The following PIP5K1B variants were observed in gnomAD, a reference collection of about 807,000 sequenced individuals.
PIP5K1B encodes phosphatidylinositol 4-phosphate 5-kinase type-1 beta.
PIP5K1B carries 42 observed loss-of-function variants against 67.0 expected under a neutral mutation model. That is an observed-to-expected ratio of 0.63 (90% confidence interval 0.49 to 0.81). The LOEUF (loss-of-function observed/expected upper bound fraction) is 0.81. Among genes scored for constraint, PIP5K1B ranks in the 30% least tolerant of loss-of-function variants. The pLI is 0.00. For missense variants in PIP5K1B, 459 were observed against 646.3 expected (o/e 0.71, Z 3.14); for synonymous variants, 214 against 231.4 (o/e 0.92, Z 0.68).
At chr9:68,768,669 AT>A (rs1830545680) in intron 2 of PIP5K1B, among the ~76,000 whole-genome samples, 1 of 152,214 alleles carries the variant, frequency 6.6e-6, no homozygotes, top group African/African-American at 2.4e-5. Flanking sequence ...AAGCATCCAC[AT>A]TTTTAAAAAT....
At chr9:68,993,803 G>A (rs1401466032) in intron 15 of PIP5K1B, among the ~76,000 whole-genome samples, 2 of 152,080 alleles carry the variant, frequency 1.3e-5, no homozygotes, top group Non-Finnish European at 2.9e-5. Flanking sequence ...CACCAGTCAC[G>A]GAGGTGCAAT....
chr9:68,923,705 G>A (rs1246322988), intron 12 of PIP5K1B, among the ~76,000 whole-genome samples: 1 of 152,106 alleles, frequency 6.6e-6, no homozygotes, highest in Non-Finnish European at 1.5e-5. Flanking sequence ...GCTAAATATA[G>A]ATGTATTTAC....
At chr9:68,820,808 A>G (rs934441527) in intron 3 of PIP5K1B, among the ~76,000 whole-genome samples, 4 of 152,238 alleles carry the variant, frequency 2.6e-5, no homozygotes, top group Non-Finnish European at 4.4e-5. Context: ...CAGATGAATT[A>G]TAGGTCACAT....
intron 14 of PIP5K1B, among the ~76,000 whole-genome samples, chr9:68,957,518 A>G (rs1209797383): frequency 6.6e-6 from 1 of 152,256 alleles, no homozygotes; most frequent in Non-Finnish European, 1.5e-5. Context: ...TTAATGTTTT[A>G]TACGACAGAG....
chr9:68,820,455 C>T (rs1483683117), intron 3 of PIP5K1B, among the ~76,000 whole-genome samples: 2 of 151,960 alleles, frequency 1.3e-5, no homozygotes, highest in African/African-American at 4.8e-5. Context: ...GATTGGTGGG[C>T]AGTACTAGAT....
intron 7 of PIP5K1B, among the ~76,000 whole-genome samples, chr9:68,891,642 A>G (rs960988459): frequency 3.3e-5 from 5 of 152,170 alleles, no homozygotes; most frequent in Admixed American, 6.5e-5. Context: ...CTGAGTCTTG[A>G]GTACAAAAAG....
chr9:68,723,913 G>A (rs761315336), intron 1 of PIP5K1B, among the ~76,000 whole-genome samples: 6 of 151,732 alleles, frequency 4.0e-5, no homozygotes, highest in Non-Finnish European at 7.4e-5. Context: ...TTTGTTGCCT[G>A]TGCTTTTGGG....
intron 2 of PIP5K1B, among the ~76,000 whole-genome samples, chr9:68,744,321 C>T (rs1380569013): frequency 2.0e-5 from 3 of 152,086 alleles, no homozygotes; most frequent in Admixed American, 6.5e-5. Flanking sequence ...TGGGAGGCCA[C>T]GAAAAAACAA....
chr9:68,929,636 C>T (rs1826892079), intron 12 of PIP5K1B, among the ~76,000 whole-genome samples: 1 of 151,902 alleles, frequency 6.6e-6, no homozygotes, highest in African/African-American at 2.4e-5. Context: ...ATTGCTCAAG[C>T]CATTGAACAA....
At chr9:68,884,664 T>TAAA (rs1824373592) in intron 6 of PIP5K1B, among the ~76,000 whole-genome samples, 1 of 105,944 alleles carries the variant, frequency 9.4e-6, no homozygotes, top group African/African-American at 4.4e-5. Flanking sequence ...GACCTTGTCT[T>TAAA]TAAAAAAAAA....
chr9:68,942,686 A>T (rs1002297248), intron 14 of PIP5K1B, among the ~76,000 whole-genome samples: 1 of 152,194 alleles, frequency 6.6e-6, no homozygotes, highest in South Asian at 2.1e-4. Context: ...TGACTAGCAT[A>T]TAGATTTGGA....
At chr9:68,855,266 A>C (rs1822709785) in intron 4 of PIP5K1B, among the ~76,000 whole-genome samples, 1 of 152,056 alleles carries the variant, frequency 6.6e-6, no homozygotes, top group Admixed American at 6.6e-5. Context: ...TCTCCTCCAA[A>C]GCTTTTCCTC....
intron 14 of PIP5K1B, among the ~76,000 whole-genome samples, chr9:68,948,633 G>A (rs529551388): frequency 5.1e-5 from 5 of 97,614 alleles, no homozygotes; most frequent in South Asian, 4.7e-4. Context: ...CAACAGAGGC[G>A]AGACCTTGCC....
rs1246904257 is a variant in PIP5K1B, at chr9:68,746,373, T to C, written c.-86+3716T>C. ...TCACTCTTAACAAACAGATTCTTAG[T>C]TATATGGCATGCACAGAGTTTTGGA... is the stretch of plus-strand genomic sequence containing the variant. On this transcript the variant is annotated intron_variant, in intron 2 of 15. Transcript: ENST00000265382. Among the ~76,000 whole-genome samples the C allele has an allele frequency of 2.0e-5, 3 of 152,168 alleles. No homozygotes were observed. The East Asian group carries it at 5.8e-4, about 29-fold the overall frequency.
At chr9:68,758,189 A>G (rs1275155004) in intron 2 of PIP5K1B, among the ~76,000 whole-genome samples, 4 of 152,176 alleles carry the variant, frequency 2.6e-5, no homozygotes, top group Admixed American at 6.5e-5. Flanking sequence ...CTTGTAATAG[A>G]GTGTTCCAAA....
chr9:68,767,684 C>T (rs1830499874), intron 2 of PIP5K1B, among the ~76,000 whole-genome samples: 1 of 151,190 alleles, frequency 6.6e-6, no homozygotes, highest in Non-Finnish European at 1.5e-5. Context: ...AGAATTTAAG[C>T]TTGGCTCAAT....
intron 1 of PIP5K1B, among the ~76,000 whole-genome samples, chr9:68,719,715 CAG>C (rs997992916): frequency 1.4e-4 from 22 of 152,214 alleles, no homozygotes; most frequent in African/African-American, 5.1e-4. Context: ...TTATAGGAAA[CAG>C]AATGGAAATT....
At chr9:68,722,712 T>C (rs1028677471) in intron 1 of PIP5K1B, among the ~76,000 whole-genome samples, 1 of 151,704 alleles carries the variant, frequency 6.6e-6, no homozygotes, top group Non-Finnish European at 1.5e-5. Flanking sequence ...GTAGATATGT[T>C]TGGGGTACTT....
chr9:68,949,430 G>T (rs1031233847), intron 14 of PIP5K1B, among the ~76,000 whole-genome samples: 3 of 152,184 alleles, frequency 2.0e-5, no homozygotes, highest in Admixed American at 2.0e-4. Flanking sequence ...TCCCCTCTCT[G>T]TTCTTTCTGA....
Sources: gnomAD v4.1 joint callset for allele counts (sites outside exome capture counted in the v4.1 genomes callset) on GRCh38, gnomAD v4.1.1 for gene constraint, MANE v1.5 for transcripts, NCBI Gene and HGNC (gene_info 2026-07-23, HGNC 2026-07-21) for gene names.